Variants in CNTN5 observed in about 807,000 individuals in gnomAD.
The protein encoded by CNTN5 is contactin 5, also known as contactin-5.
Under a neutral mutation model 129.1 loss-of-function variants are expected in CNTN5, and 77 were observed. The observed-to-expected ratio is 0.60, with a 90% CI of 0.50 to 0.72. CNTN5 has a LOEUF of 0.72. Ranked by LOEUF, CNTN5 falls within the 30% of genes least tolerant of loss-of-function variation. The probability of loss-of-function intolerance (pLI) is 0.00; values close to 1 mark genes in which losing one functional copy is unlikely to be tolerated. For missense variants in CNTN5, 1,478 were observed against 1,328.8 expected, an observed-to-expected ratio of 1.11 and a Z score of -1.75; for synonymous variants, 509 against 465.6, an observed-to-expected ratio of 1.09 and a Z score of -1.20.
At chr11:99,203,749 C>T (rs1859336696) in intron 1 of CNTN5, among the ~76,000 whole-genome samples, 1 of 152,070 alleles carries the variant, frequency 6.6e-6, no homozygotes, top group Admixed American at 6.5e-5. Flanking sequence ...AGGCATGTGC[C>T]AGCACGTCCG....
chr11:99,303,337 G>A (rs1291913706), intron 1 of CNTN5, among the ~76,000 whole-genome samples: 1 of 151,548 alleles, frequency 6.6e-6, no homozygotes, highest in Non-Finnish European at 1.5e-5. Context: ...TGAACAGATA[G>A]TGTTACAATA....
At chr11:100,299,531 G>T (rs1045901722) in intron 20 of CNTN5, 135 bp downstream of exon 20, 5 of 543,008 alleles carry the variant, frequency 9.2e-6, no homozygotes, top group African/African-American at 2.0e-5. Flanking sequence ...AAACTTTTTG[G>T]ATATATATTT....
At chr11:99,682,796 T>G (rs587435) in intron 3 of CNTN5, among the ~76,000 whole-genome samples, 2 of 151,872 alleles carry the variant, frequency 1.3e-5, no homozygotes, top group Non-Finnish European at 2.9e-5. Context: ...AAACCTAATA[T>G]GAGAGGAAGT....
intron 1 of CNTN5, among the ~76,000 whole-genome samples, chr11:99,110,454 TGTAA>T (rs1304019784): frequency 6.6e-6 from 1 of 152,150 alleles, no homozygotes; most frequent in East Asian, 1.9e-4. Context: ...TGGTTTGCAT[TGTAA>T]GTATTGTAAG....
At chr11:100,259,189 A>C (rs1322803349) in intron 17 of CNTN5, among the ~76,000 whole-genome samples, 1 of 152,132 alleles carries the variant, frequency 6.6e-6, no homozygotes, top group East Asian at 1.9e-4. Flanking sequence ...AAGATCAAAA[A>C]AGACAAAGAA....
chr11:99,193,993 A>G (rs1241514469), intron 1 of CNTN5, among the ~76,000 whole-genome samples: 2 of 152,184 alleles, frequency 1.3e-5, no homozygotes, highest in Admixed American at 1.3e-4. Context: ...CATGGTAAGA[A>G]CAGAATCAAT....
At chr11:99,722,803 G>A (rs1943216488) in intron 3 of CNTN5, among the ~76,000 whole-genome samples, 1 of 151,688 alleles carries the variant, frequency 6.6e-6, no homozygotes, top group Admixed American at 6.6e-5. Context: ...GGGAGATATA[G>A]CCCATATGGG....
intron 1 of CNTN5, among the ~76,000 whole-genome samples, chr11:99,127,436 T>G (rs1227556121): frequency 2.6e-5 from 4 of 152,136 alleles, no homozygotes; most frequent in Admixed American, 2.6e-4. Flanking sequence ...GTAGTATGCT[T>G]CTAGTCTTGC....
chr11:99,818,727 A>G (rs1352049242), intron 3 of CNTN5, among the ~76,000 whole-genome samples: 2 of 152,192 alleles, frequency 1.3e-5, no homozygotes, highest in Admixed American at 1.3e-4. Context: ...TCTTATGGAC[A>G]TAAAGGAAAG....
intron 21 of CNTN5, among the ~76,000 whole-genome samples, chr11:100,312,684 A>G (rs1356134002): frequency 1.3e-5 from 2 of 152,088 alleles, no homozygotes; most frequent in South Asian, 2.1e-4. Flanking sequence ...TTCACATTTT[A>G]TGTACTTATA....
At chr11:100,312,289 A>C (rs1951486672) in intron 21 of CNTN5, among the ~76,000 whole-genome samples, 1 of 152,032 alleles carries the variant, frequency 6.6e-6, no homozygotes, top group African/African-American at 2.4e-5. Flanking sequence ...TTCATAACTG[A>C]ATAGCTGCAT....
chr11:99,866,740 C>G (rs1948366642), intron 6 of CNTN5, among the ~76,000 whole-genome samples: 1 of 152,192 alleles, frequency 6.6e-6, no homozygotes, highest in South Asian at 2.1e-4. Flanking sequence ...GGAAGTGTTG[C>G]AGGGTGCTGG....
intron 8 of CNTN5, among the ~76,000 whole-genome samples, chr11:99,991,213 A>G (rs1297214065): frequency 2.0e-5 from 3 of 152,102 alleles, no homozygotes; most frequent in Admixed American, 2.0e-4. Flanking sequence ...CACGCCTGTA[A>G]TCCCAGCACT....
At chr11:100,249,391 C>T (rs1591436161) in intron 16 of CNTN5, among the ~76,000 whole-genome samples, 1 of 152,050 alleles carries the variant, frequency 6.6e-6, no homozygotes, top group Non-Finnish European at 1.5e-5. Context: ...CTGCTCAGGG[C>T]TTTTGATTTG....
chr11:99,965,140 T>G (rs1591492852), intron 8 of CNTN5, among the ~76,000 whole-genome samples: 1 of 152,326 alleles, frequency 6.6e-6, no homozygotes, highest in South Asian at 2.1e-4. Context: ...TTTTGAACGG[T>G]TTTTTGTGTC....
intron 13 of CNTN5, among the ~76,000 whole-genome samples, chr11:100,180,408 G>C (rs1216984992): frequency 1.3e-5 from 2 of 151,916 alleles, no homozygotes; most frequent in Non-Finnish European, 2.9e-5. Flanking sequence ...TTAATATCCT[G>C]AGGCAAAAAC....
chr11:99,595,365 A>G (rs1033653539), intron 3 of CNTN5, among the ~76,000 whole-genome samples: 12 of 152,168 alleles, frequency 7.9e-5, no homozygotes, highest in African/African-American at 2.2e-4. Context: ...TTAAAAAATA[A>G]AATAAGGGAA....
chr11:100,072,700 A>G (rs1272637691), intron 12 of CNTN5, among the ~76,000 whole-genome samples: 1 of 152,182 alleles, frequency 6.6e-6, no homozygotes, highest in African/African-American at 2.4e-5. Flanking sequence ...TATCAGCTAA[A>G]TGTAATACAT....
At chr11:99,658,363 G>A (rs1017557794) in intron 3 of CNTN5, among the ~76,000 whole-genome samples, 2 of 152,146 alleles carry the variant, frequency 1.3e-5, no homozygotes, top group Non-Finnish European at 2.9e-5. Context: ...CTAAAAGTCT[G>A]ATTTGAAAGG....
Sources: allele counts gnomAD v4.1 joint callset (sites outside exome capture counted in the v4.1 genomes callset), GRCh38; gene constraint gnomAD v4.1.1; transcripts MANE v1.5; gene names NCBI Gene and HGNC (gene_info 2026-07-23, HGNC 2026-07-21).